The following TRMT61A variants were observed in gnomAD, a reference collection of about 807,000 sequenced individuals.
TRMT61A encodes tRNA methyltransferase 61A, also known as tRNA (adenine(58)-N(1))-methyltransferase catalytic subunit TRMT61A.
Under a neutral mutation model 21.3 loss-of-function variants are expected in TRMT61A, and 15 were observed. That is an observed-to-expected ratio of 0.70 (90% CI 0.47 to 1.08). The LOEUF (loss-of-function observed/expected upper bound fraction) is 1.08. Among genes scored for constraint, TRMT61A ranks in the 50% least tolerant of loss-of-function variants. The probability of loss-of-function intolerance (pLI) is 0.00; values close to 1 mark genes in which losing one functional copy is unlikely to be tolerated. For missense variants in TRMT61A, 352 were observed against 426.7 expected (o/e 0.83, Z 1.54); for synonymous variants, 183 against 185.5 (o/e 0.99, Z 0.11).
chr14:103,532,509 G>A (rs908961935), intron 2 of TRMT61A, 73 bp from the exon 3 acceptor site: 4 of 1,587,262 alleles, frequency 2.5e-6, no homozygotes, highest in Non-Finnish European at 3.4e-6. Context: ...TGAGGTGGGG[G>A]TTGTTTCCTG....
Position 103,530,261 on chromosome 14 carries a change from A to G in TRMT61A, c.283A>G (p.Ile95Val). 1.2e-6 allele frequency: 2 copies of G among 1,602,490 alleles called. No individual in the cohort carries two copies. The highest frequency in any genetic ancestry group is 1.7e-6 in the Non-Finnish European group (2 of 1,170,990). Residue 95 changes from isoleucine to valine, a missense_variant, in exon 2 of 4, where the codon ATC (isoleucine) becomes GTC (valine). By Grantham distance (29) the Ile-to-Val change is conservative (BLOSUM62 3). Coordinates refer to ENST00000389749, the MANE Select transcript of TRMT61A (RefSeq NM_152307.3). ...QILYSTDIAL[I>V]TMMLELRPGS... ...CCTCTACTCCACAGACATCGCCCTC[A>G]TCACCATGATGTTGGAGCTTCGGCC...
At position 103,534,827 on chromosome 14, in the gene TRMT61A, C is replaced by T. The variant is rs552374720; in HGVS notation, c.*6C>T. 1.6e-5 allele frequency: 25 copies of T among 1,542,386 alleles called. 1 individual carries two copies. The highest frequency in any genetic ancestry group is 7.8e-5 in the Admixed American group (4 of 51,378). ...CCACCAAGACCCCAGGCTAGGGGGC[C>T]GCCTCCCAGGGCACCAGGGAGCTGG... On this transcript the variant is annotated 3_prime_UTR_variant, in exon 4 of 4. Transcript: ENST00000389749.
At position 103,535,561 on chromosome 14, in the gene TRMT61A, C is replaced by T. The variant is rs774057780; in HGVS notation, c.*740C>T. On this transcript the variant is annotated 3_prime_UTR_variant, in exon 4 of 4. Transcript: ENST00000389749. ...AGGAGCGGCAGAGTGGGTTGTCTGCCGCAGGCAACCAGGCAAGTGTGTCGG... is the reference window on the plus strand; with the variant it reads ...AGGAGCGGCAGAGTGGGTTGTCTGCTGCAGGCAACCAGGCAAGTGTGTCGG... The T allele has an allele frequency of 2.8e-5, 9 of 327,162 alleles. No homozygotes were observed. Among genetic ancestry groups the T allele is most frequent in the African/African-American group, 6.6e-5 (3 of 45,732 alleles). The allele number at this position is 327,162 out of a possible 1,614,324, so 20.3% of individuals were successfully genotyped here.
chr14:103,530,073 G>T lies in TRMT61A; in HGVS notation c.95G>T (p.Arg32Leu), dbSNP rs1347302827. 6.2e-7 allele frequency: 1 copy of T among 1,613,036 alleles called. No individual in the cohort carries two copies. The highest frequency in any genetic ancestry group is 8.5e-7 in the Non-Finnish European group (1 of 1,179,998). The change falls in exon 2 of 4, where the codon CGT becomes CTT. Residue 32 changes from arginine (R) to leucine (L), a missense_variant. Arg to Leu is a moderately radical substitution (Grantham distance 102). Transcript: ENST00000389749. ...GCAATGGTGGCGGTGCGTGTGCAGC[G>T]TGGGGCACAGACCCAGACCCGGCAT... ...HGAMVAVRVQRGAQTQTRHGV... is the reference protein window; with the variant it reads ...HGAMVAVRVQLGAQTQTRHGV...
rs1252710810 is a variant in TRMT61A, at chr14:103,530,171, T to C, written c.193T>C (p.Trp65Arg). Residue 65 changes from tryptophan (W) to arginine (R), a missense_variant, in exon 2 of 4, where the codon TGG becomes CGG. Transcript: ENST00000389749. Reference protein sequence around the residue: ...GSKVTCGRGGWVYVLHPTPEL... With the variant: ...GSKVTCGRGGRVYVLHPTPEL... ...CAAGGTGACGTGCGGCCGAGGTGGC[T>C]GGGTGTATGTGCTGCACCCCACGCC... 6.2e-7 allele frequency: 1 copy of C among 1,612,816 alleles called. No individual in the cohort carries two copies. The highest frequency in any genetic ancestry group is 1.1e-5 in the South Asian group (1 of 91,076).
rs2142241814 is a variant in TRMT61A at position 103,534,998 on chromosome 14, T to A, written c.*177T>A. 1.2e-6 allele frequency: 1 copy of A among 810,086 alleles called. No homozygotes were observed. Among genetic ancestry groups the A allele is most frequent in the Non-Finnish European group, 2.1e-6 (1 of 484,080 alleles). 50.2% of individuals were successfully genotyped at this position (810,086 alleles called of 1,614,324 possible). On this transcript the variant is annotated 3_prime_UTR_variant, in exon 4 of 4. Coordinates refer to ENST00000389749, the MANE Select transcript of TRMT61A (RefSeq NM_152307.3). Reference sequence around the variant, plus strand: ...AAGGGCGGCTGTGATGGAGGAGCAGTGCTGGGGCTGGGCCTCAGCCATTCC... The same window carrying A: ...AAGGGCGGCTGTGATGGAGGAGCAGAGCTGGGGCTGGGCCTCAGCCATTCC...
rs1156260082 is a variant in TRMT61A, at chr14:103,534,864, G to A, written c.*43G>A. The A allele has an allele frequency of 6.5e-7, 1 of 1,529,744 alleles. No individual in the cohort carries two copies. Among genetic ancestry groups the A allele is most frequent in the Non-Finnish European group, 8.8e-7 (1 of 1,140,818 alleles). 94.8% of individuals were successfully genotyped at this position (1,529,744 alleles called of 1,614,324 possible). On this transcript the variant is annotated 3_prime_UTR_variant, in exon 4 of 4. Coordinates refer to ENST00000389749, the MANE Select transcript of TRMT61A (RefSeq NM_152307.3). ...CACCAGGGAGCTGGGAGCACTGAAGGGCTGGGCAGGGAGGCCAGAGGCACC... is the reference window on the plus strand; with the variant it reads ...CACCAGGGAGCTGGGAGCACTGAAGAGCTGGGCAGGGAGGCCAGAGGCACC...
intron 2 of TRMT61A, 70 bp from the exon 3 acceptor site, chr14:103,532,512 G>A: frequency 6.3e-7 from 1 of 1,596,956 alleles, no homozygotes; most frequent in Non-Finnish European, 8.6e-7. Flanking sequence ...GGTGGGGGTT[G>A]TTTCCTGGGA....
At position 103,532,565 on chromosome 14, in the gene TRMT61A, C is replaced by T. The variant is rs2142239872; in HGVS notation, c.332-17C>T. The T allele has an allele frequency of 3.1e-6, 5 of 1,613,066 alleles. No individual in the cohort carries two copies. The highest frequency in any genetic ancestry group is 4.2e-6 in the Non-Finnish European group (5 of 1,179,950). ...AGTCCCAACTGATGCCTTGCCCATC[C>T]CTTCTTGTCCTGCCAGGCACCGGCA... On this transcript the variant is annotated splice_polypyrimidine_tract_variant and intron_variant, in intron 2 of 3. Transcript: ENST00000389749.
chr14:103,530,210 C>T lies in TRMT61A; in HGVS notation c.232C>T (p.Leu78=), dbSNP rs1425803913. The change falls in exon 2 of 4, where the codon CTG becomes TTG. Residue 78 remains leucine, a synonymous_variant. Transcript: ENST00000389749. ...VLHPTPELWT[L]NLPHRTQILY... is the part of the protein sequence containing the mutation. ...GCACCCCACGCCCGAGCTCTGGACG[C>T]TGAACCTGCCGCACCGCACGCAGAT... is the stretch of plus-strand genomic sequence containing the variant. The T allele has an allele frequency of 1.9e-6, 3 of 1,612,146 alleles. No individual in the cohort carries two copies. The highest frequency in any genetic ancestry group is 2.5e-6 in the Non-Finnish European group (3 of 1,179,420).
At position 103,536,564 on chromosome 14, in the gene TRMT61A, A is replaced by G. The variant is rs1031903245; in HGVS notation, c.*1743A>G. The G allele has an allele frequency of 6.6e-6, 1 of 152,062 alleles. No individual in the cohort carries two copies. Among genetic ancestry groups the G allele is most frequent in the Non-Finnish European group, 1.5e-5 (1 of 68,034 alleles). 9.4% of individuals were successfully genotyped at this position (152,062 alleles called of 1,614,324 possible). A position where few individuals can be genotyped will look rare whatever the true frequency, so the allele number is the denominator to read the frequency against. Reference sequence around the variant, plus strand: ...GGAAGTGGGTGACCCTAATGCCAGGAGCTTTGGGGTCAGGCTGTCCCTGGG... The same window carrying G: ...GGAAGTGGGTGACCCTAATGCCAGGGGCTTTGGGGTCAGGCTGTCCCTGGG... On this transcript the variant is annotated 3_prime_UTR_variant, in exon 4 of 4. Transcript: ENST00000389749.
rs1284170852 is a variant in TRMT61A, at chr14:103,535,970, G to A, written c.*1149G>A. On this transcript the variant is annotated 3_prime_UTR_variant, in exon 4 of 4. Coordinates refer to ENST00000389749, the MANE Select transcript of TRMT61A (RefSeq NM_152307.3). ...TGGGAGCCTCTGTTTCCCCTGTGCT[G>A]GGGGCCTTGAGTGCTATGCTAGCAG... The A allele has an allele frequency of 6.5e-6, 1 of 153,444 alleles. No individual in the cohort carries two copies. Among genetic ancestry groups the A allele is most frequent in the Non-Finnish European group, 1.4e-5 (1 of 69,044 alleles). 9.5% of individuals were successfully genotyped at this position (153,444 alleles called of 1,614,324 possible).
In TRMT61A at chr14:103,532,604, C is replaced by G; in HGVS notation, c.354C>G (p.Ser118=). Reference sequence around the variant, plus strand: ...CAGGCACCGGCAGTGGCTCTGTGTCCCACGCCATCATCCGCACCATTGCAC... The same window carrying G: ...CAGGCACCGGCAGTGGCTCTGTGTCGCACGCCATCATCCGCACCATTGCAC... ...CESGTGSGSV[S]HAIIRTIAPT... Residue 118 remains serine, a synonymous_variant, in exon 3 of 4, where the codon TCC becomes TCG. Coordinates refer to ENST00000389749, the MANE Select transcript of TRMT61A (RefSeq NM_152307.3). 6.2e-7 allele frequency: 1 copy of G among 1,613,372 alleles called. No individual in the cohort carries two copies. Among genetic ancestry groups the G allele is most frequent in the Non-Finnish European group, 8.5e-7 (1 of 1,180,006 alleles).
In TRMT61A at chr14:103,531,070, TC is replaced by T. The variant is rs1306756417; in HGVS notation, c.331+763del. ...CTCCATCAGCTGCTGCTCCTGTGCA[TC>T]CTGTGGTGGGTGCTGGCCTCTCCGC... On this transcript the variant is annotated intron_variant, in intron 2 of 3. Coordinates refer to ENST00000389749, the MANE Select transcript of TRMT61A (RefSeq NM_152307.3). The surrounding 1 kb of genome is among the most constrained non-coding windows in gnomAD (Gnocchi z 5.1). 1.3e-5 allele frequency among the ~76,000 whole-genome samples: 2 copies of T among 152,144 alleles called. No individual in the cohort carries two copies.
chr14:103,530,677 A>G (rs2075951252), intron 2 of TRMT61A, among the ~76,000 whole-genome samples: 1 of 152,140 alleles, frequency 6.6e-6, no homozygotes, highest in South Asian at 2.1e-4. Context: ...CCCCTTCTGG[A>G]AAGAGGCCAG....
At chr14:103,532,347 G>A (rs970296417) in intron 2 of TRMT61A, among the ~76,000 whole-genome samples, 2 of 152,136 alleles carry the variant, frequency 1.3e-5, no homozygotes, top group African/African-American at 4.8e-5. Flanking sequence ...CAGACAGCAC[G>A]GCATACACAG....
In TRMT61A at chr14:103,534,855, G is replaced by T. The variant is rs1368585157; in HGVS notation, c.*34G>T. On this transcript the variant is annotated 3_prime_UTR_variant, in exon 4 of 4. Transcript: ENST00000389749. ...CTCCCAGGGCACCAGGGAGCTGGGA[G>T]CACTGAAGGGCTGGGCAGGGAGGCC... 6.5e-7 allele frequency: 1 copy of T among 1,532,626 alleles called. No individual in the cohort carries two copies. The highest frequency in any genetic ancestry group is 8.8e-7 in the Non-Finnish European group (1 of 1,142,196). 94.9% of individuals were successfully genotyped at this position (1,532,626 alleles called of 1,614,324 possible). A position where few individuals can be genotyped will look rare whatever the true frequency, so the allele number is the denominator to read the frequency against.
intron 3 of TRMT61A, among the ~76,000 whole-genome samples, chr14:103,533,614 C>T (rs181773998): frequency 7.8e-4 from 119 of 152,288 alleles, no homozygotes; most frequent in African/African-American, 2.8e-3. Flanking sequence ...AGGCTGAACC[C>T]GGCAGAGCCT....
At chr14:103,534,158 C>G (rs2075964677) in intron 3 of TRMT61A, among the ~76,000 whole-genome samples, 1 of 152,242 alleles carries the variant, frequency 6.6e-6, no homozygotes, top group Admixed American at 6.5e-5. Flanking sequence ...CCTGTGACAG[C>G]AGCGGCCCCC....
Sources: gnomAD v4.1 joint callset for allele counts (sites outside exome capture counted in the v4.1 genomes callset) on GRCh38, gnomAD v4.1.1 for gene constraint, Gnocchi (gnomAD v3.1) non-coding constraint, MANE v1.5 for transcripts, NCBI Gene and HGNC (gene_info 2026-07-23, HGNC 2026-07-21) for gene names.